The following TET1 variants were observed in gnomAD, a reference collection of about 807,000 sequenced individuals.
TET1 encodes methylcytosine dioxygenase TET1.
In TET1, 13 loss-of-function variants were observed where a neutral mutation model predicts 148.7. The observed-to-expected ratio is 0.09, with a 90% CI of 0.06 to 0.14. TET1 has a LOEUF of 0.14. Ranked by LOEUF, TET1 falls within the 10% of genes least tolerant of loss-of-function variation. The probability of loss-of-function intolerance (pLI) is 1.00; values close to 1 mark genes in which losing one functional copy is unlikely to be tolerated. For synonymous variants in TET1, 907 were observed against 937.2 expected (o/e 0.97, Z 0.59); for missense variants, 2,182 against 2,553.8 (o/e 0.85, Z 3.14).
At chr10:68,595,939 TATATATATATATATATATATATACAC>T (rs1440541087) in intron 2 of TET1, among the ~76,000 whole-genome samples, 11 of 36,314 alleles carry the variant, frequency 3.0e-4, no homozygotes, top group African/African-American at 8.3e-4. Flanking sequence ...TATATATATA[TATATATATATATATATATATATACAC>T]ACACACACAC....
chr10:68,655,962 TG>T (rs1418943759), intron 6 of TET1, among the ~76,000 whole-genome samples: 1 of 152,076 alleles, frequency 6.6e-6, no homozygotes, highest in Non-Finnish European at 1.5e-5. Flanking sequence ...AGATCAGCAG[TG>T]GGATTAGACT....
intron 10 of TET1, among the ~76,000 whole-genome samples, chr10:68,683,339 C>G (rs2055462664): frequency 6.6e-6 from 1 of 152,110 alleles, no homozygotes; most frequent in Non-Finnish European, 1.5e-5. Flanking sequence ...AGGGTAGTGG[C>G]ACGATCTCAG....
intron 8 of TET1, among the ~76,000 whole-genome samples, chr10:68,678,469 G>T (rs1342774186): frequency 6.6e-6 from 1 of 152,202 alleles, no homozygotes; most frequent in Non-Finnish European, 1.5e-5. Flanking sequence ...GTGAACAGAG[G>T]CCTGGTGTGG....
At position 68,575,633 on chromosome 10, in the gene TET1, C is replaced by T. The variant is rs1176806156; in HGVS notation, c.1914+1381C>T. Among the ~76,000 whole-genome samples, 7 of 151,746 alleles carry T rather than the reference C, an allele frequency of 4.6e-5. 1 individual carries two copies. The highest frequency in any genetic ancestry group is 2.1e-4 in the South Asian group (1 of 4,822). ...AGTAGAATCGCTTGAACCCGGGAGG[C>T]GGAGGTTTCAGTGAGACGTCATCGT... On this transcript the variant is annotated intron_variant, in intron 2 of 11. Transcript: ENST00000373644.
chr10:68,629,674 A>C (rs2054539775), intron 3 of TET1, among the ~76,000 whole-genome samples: 1 of 151,354 alleles, frequency 6.6e-6, no homozygotes, highest in Admixed American at 6.6e-5. Context: ...AGTAGTTGGG[A>C]CTACAGGTGC....
intron 1 of TET1, among the ~76,000 whole-genome samples, chr10:68,564,685 C>T (rs2053588221): frequency 6.6e-6 from 1 of 152,150 alleles, no homozygotes; most frequent in Non-Finnish European, 1.5e-5. Flanking sequence ...ATGTAGCTAT[C>T]TCTGCAGCAC....
At chr10:68,655,004 G>C (rs1342843458) in intron 6 of TET1, among the ~76,000 whole-genome samples, 1 of 152,156 alleles carries the variant, frequency 6.6e-6, no homozygotes, top group East Asian at 1.9e-4. Flanking sequence ...CCCAGAGTGA[G>C]TGAATCAAAA....
intron 3 of TET1, among the ~76,000 whole-genome samples, chr10:68,636,220 C>T (rs1046808766): frequency 6.6e-6 from 1 of 152,136 alleles, no homozygotes; most frequent in Non-Finnish European, 1.5e-5. Flanking sequence ...GAACAGAGAG[C>T]ATTAACTCTT....
chr10:68,627,027 C>A (rs1163085122), intron 3 of TET1, among the ~76,000 whole-genome samples: 1 of 152,162 alleles, frequency 6.6e-6, no homozygotes, highest in Non-Finnish European at 1.5e-5. Flanking sequence ...AATCCCAACA[C>A]TTTGGGAGGC....
chr10:68,656,397 G>T (rs2055022499), intron 6 of TET1, among the ~76,000 whole-genome samples: 1 of 151,952 alleles, frequency 6.6e-6, no homozygotes, highest in South Asian at 2.1e-4. Flanking sequence ...TGAGTAGCTG[G>T]GACTACAGGC....
At position 68,598,666 on chromosome 10, in the gene TET1, C is replaced by G. The variant is rs369743524; in HGVS notation, c.1915-2315C>G. Reference sequence around the variant, plus strand: ...AGTGTTGCAGGAAGAGTTGAGAACACCATATTCATTAGGTTTTTTTTTTCT... The same window carrying G: ...AGTGTTGCAGGAAGAGTTGAGAACAGCATATTCATTAGGTTTTTTTTTTCT... On this transcript the variant is annotated intron_variant, in intron 2 of 11. Transcript: ENST00000373644. Among the ~76,000 whole-genome samples, 5 of 151,620 alleles carry G rather than the reference C, an allele frequency of 3.3e-5. No individual in the cohort carries two copies. In the East Asian group the frequency reaches 7.8e-4, roughly 24 times the overall value.
chr10:68,607,081 G>A (rs1366178235), intron 3 of TET1, among the ~76,000 whole-genome samples: 1 of 151,428 alleles, frequency 6.6e-6, no homozygotes, highest in African/African-American at 2.4e-5. Flanking sequence ...TCCATTCTGT[G>A]ATTTCTAGGA....
chr10:68,686,599 C>T lies in TET1; in HGVS notation c.5296C>T (p.Leu1766Phe). The change falls in exon 11 of 12, where the codon CTT becomes TTT. Residue 1766 changes from leucine to phenylalanine, a missense_variant. Around this residue, in one of 11 missense-constraint regions of TET1, gnomAD observed 380 missense variants for 387.9 expected, o/e 0.98. Coordinates refer to ENST00000373644, the MANE Select transcript of TET1 (RefSeq NM_030625.3). Reference protein sequence around the residue: ...KKRAAMMTEVLAHKIRAVEKK... With the variant: ...KKRAAMMTEVFAHKIRAVEKK... ...GAGGGCTGCGATGATGACAGAGGTT[C>T]TTGCACATAAGATAAGGGCAGTGGA... The T allele has an allele frequency of 6.2e-7, 1 of 1,614,200 alleles. No individual in the cohort carries two copies. Among genetic ancestry groups the T allele is most frequent in the Non-Finnish European group, 8.5e-7 (1 of 1,180,042 alleles).
intron 3 of TET1, among the ~76,000 whole-genome samples, chr10:68,624,684 CTCTCTCTCTCTCTT>C (rs1162278946): frequency 4.9e-4 from 62 of 127,498 alleles, no homozygotes; most frequent in African/African-American, 1.6e-3. Flanking sequence ...CTCTCTCTCT[CTCTCTCTCTCTCTT>C]TCTTTCTTTT....
chr10:68,672,469 C>T (rs1439425736), intron 7 of TET1, among the ~76,000 whole-genome samples: 1 of 103,130 alleles, frequency 9.7e-6, no homozygotes, highest in Non-Finnish European at 1.7e-5. Flanking sequence ...CCCTTGGTGA[C>T]AGGGCTAGAC....
At chr10:68,585,255 C>T (rs1490105061) in intron 2 of TET1, among the ~76,000 whole-genome samples, 22 of 152,088 alleles carry the variant, frequency 1.4e-4, no homozygotes, top group Admixed American at 2.0e-4. Flanking sequence ...CCTCCCGTCT[C>T]GGCCTCCCAA....
chr10:68,645,089 A>G lies in TET1; in HGVS notation c.2360A>G (p.Glu787Gly). The change falls in exon 4 of 12, where the codon GAA becomes GGA. Residue 787 changes from glutamate (E) to glycine (G), a missense_variant. Around this residue, in one of 11 missense-constraint regions of TET1, gnomAD observed 226 missense variants for 307.4 expected, o/e 0.74. Transcript: ENST00000373644. Reference sequence around the variant, plus strand: ...ATTGAAGAATTCGGCAAGACATTGGAAAACAATTCTTATAAATTCCTAAAA... The same window carrying G: ...ATTGAAGAATTCGGCAAGACATTGGGAAACAATTCTTATAAATTCCTAAAA... ...FNIEEFGKTLENNSYKFLKDT... is the reference protein window; with the variant it reads ...FNIEEFGKTLGNNSYKFLKDT... 6.2e-7 allele frequency: 1 copy of G among 1,611,514 alleles called. No homozygotes were observed. Among genetic ancestry groups the G allele is most frequent in the Non-Finnish European group, 8.5e-7 (1 of 1,179,280 alleles).
At chr10:68,593,806 G>A (rs1177427618) in intron 2 of TET1, among the ~76,000 whole-genome samples, 1 of 151,084 alleles carries the variant, frequency 6.6e-6, no homozygotes, top group Admixed American at 6.6e-5. Context: ...TAGAGACAGG[G>A]TTTCACTATG....
At chr10:68,580,385 G>A (rs1460746491) in intron 2 of TET1, among the ~76,000 whole-genome samples, 2 of 127,884 alleles carry the variant, frequency 1.6e-5, no homozygotes, top group African/African-American at 6.0e-5. Flanking sequence ...AGGTGGCATG[G>A]TCATGGCTCA....
Sources: gnomAD v4.1 joint callset for allele counts (sites outside exome capture counted in the v4.1 genomes callset) on GRCh38, gnomAD v4.1.1 for gene constraint, gnomAD v4.1.1 regional missense constraint, MANE v1.5 for transcripts, NCBI Gene and HGNC (gene_info 2026-07-23, HGNC 2026-07-21) for gene names.